Variants in DMRT1 observed in about 807,000 individuals in gnomAD.
DMRT1 encodes the protein doublesex and mab-3 related transcription factor 1.
A neutral mutation model predicts 32.3 loss-of-function variants in DMRT1; 7 were observed. That is an observed-to-expected ratio of 0.22 (90% CI 0.12 to 0.41). The LOEUF is 0.41. Ranked by LOEUF, DMRT1 falls within the 10% of genes least tolerant of loss-of-function variation. The pLI is 1.00. For synonymous variants in DMRT1, 278 were observed against 206.1 expected, an observed-to-expected ratio of 1.35 and a Z score of -2.99; for missense variants, 625 against 500.5, an observed-to-expected ratio of 1.25 and a Z score of -2.37.
At chr9:852,507 T>G (rs7020479) in intron 2 of DMRT1, among the ~76,000 whole-genome samples, 53 of 151,734 alleles carry the variant, frequency 3.5e-4, no homozygotes. Context: ...CTACTTTTTC[T>G]TCAGCCTCCC....
Position 965,724 on chromosome 9 carries a change from C to T in DMRT1, c.968-2261C>T, listed in dbSNP as rs1168534031. ...TTGGCAAAGGTCCGTTGCTTTGCCTCCTTAAACTCACACAGGGATTGGGAA... is the reference window on the plus strand; with the variant it reads ...TTGGCAAAGGTCCGTTGCTTTGCCTTCTTAAACTCACACAGGGATTGGGAA... On this transcript the variant is annotated intron_variant, in intron 4 of 4. Transcript: ENST00000382276. The surrounding 1 kb of genome is among the most constrained non-coding windows in gnomAD (Gnocchi z 4.5). 6.6e-6 allele frequency among the ~76,000 whole-genome samples: 1 copy of T among 152,134 alleles called. No homozygotes were observed. Among genetic ancestry groups the T allele is most frequent in the Non-Finnish European group, 1.5e-5 (1 of 68,022 alleles).
chr9:860,846 C>G (rs1388275813), intron 2 of DMRT1, among the ~76,000 whole-genome samples: 2 of 152,122 alleles, frequency 1.3e-5, no homozygotes, highest in Non-Finnish European at 2.9e-5. Flanking sequence ...GAAGGAGCAG[C>G]AAGGTGAGAC....
chr9:864,125 A>G (rs1387782670), intron 2 of DMRT1, among the ~76,000 whole-genome samples: 3 of 152,150 alleles, frequency 2.0e-5, no homozygotes, highest in Non-Finnish European at 4.4e-5. Flanking sequence ...TTGGTAGGCC[A>G]TTCTTCAGTC....
At chr9:852,136 C>A (rs1012716066) in intron 2 of DMRT1, among the ~76,000 whole-genome samples, 1 of 151,804 alleles carries the variant, frequency 6.6e-6, no homozygotes, top group South Asian at 2.1e-4. Context: ...GGGGTTTCAC[C>A]ATGTTGGCCA....
At chr9:849,786 G>A (rs932816641) in intron 2 of DMRT1, among the ~76,000 whole-genome samples, 1 of 100,116 alleles carries the variant, frequency 1.0e-5, no homozygotes, top group African/African-American at 3.4e-5. Flanking sequence ...GTATGGCTCC[G>A]GGAGCCTTTA....
intron 4 of DMRT1, among the ~76,000 whole-genome samples, chr9:959,902 T>G (rs1435265827): frequency 6.6e-6 from 1 of 152,242 alleles, no homozygotes; most frequent in Non-Finnish European, 1.5e-5. Context: ...GGTTGCAGTG[T>G]GTCTTGTGAA....
At chr9:894,795 T>A (rs796439714) in intron 3 of DMRT1, 1 of 159,132 alleles carries the variant, frequency 6.3e-6, no homozygotes, top group Non-Finnish European at 1.4e-5. Context: ...AAGTTTGTTT[T>A]TTTTTTTGTT....
chr9:928,879 C>T (rs1211280308), intron 4 of DMRT1, among the ~76,000 whole-genome samples: 8 of 148,920 alleles, frequency 5.4e-5, no homozygotes, highest in Middle Eastern at 6.9e-3. Context: ...TATTTTGTGC[C>T]CAGGCTGGAG....
intron 3 of DMRT1, among the ~76,000 whole-genome samples, chr9:906,128 C>G (rs1427088357): frequency 6.6e-6 from 1 of 152,192 alleles, no homozygotes; most frequent in South Asian, 2.1e-4. Flanking sequence ...TGTGTCATTT[C>G]AATTAGTTGG....
chr9:875,557 GA>G (rs1332739898), intron 2 of DMRT1, among the ~76,000 whole-genome samples: 16 of 152,202 alleles, frequency 1.1e-4, no homozygotes, highest in African/African-American at 3.4e-4. Flanking sequence ...TCTGTACAAT[GA>G]AGATCACCAA....
chr9:876,695 C>T (rs976168490), intron 2 of DMRT1, among the ~76,000 whole-genome samples: 4 of 152,074 alleles, frequency 2.6e-5, no homozygotes, highest in African/African-American at 9.7e-5. Context: ...CTATGCCCAG[C>T]TATTTTAAAA....
At chr9:914,010 G>T (rs1005447173) in intron 3 of DMRT1, among the ~76,000 whole-genome samples, 1 of 152,168 alleles carries the variant, frequency 6.6e-6, no homozygotes, top group Non-Finnish European at 1.5e-5. Context: ...CTCCAGCCCA[G>T]TCTTACCATC....
intron 4 of DMRT1, among the ~76,000 whole-genome samples, chr9:933,827 G>C (rs546577907): frequency 1.3e-5 from 2 of 152,262 alleles, no homozygotes; most frequent in Admixed American, 1.3e-4. Flanking sequence ...TGACAGGAAA[G>C]GACATTGCAG....
chr9:847,133 T>C lies in DMRT1; in HGVS notation c.528T>C (p.Thr176=), dbSNP rs1838942946. 6.2e-7 allele frequency: 1 copy of C among 1,612,854 alleles called. No homozygotes were observed. Among genetic ancestry groups the C allele is most frequent in the East Asian group, 2.2e-5 (1 of 44,872 alleles). The change falls in exon 2 of 5, where the codon ACT becomes ACC. Residue 176 remains threonine, a synonymous_variant. Transcript: ENST00000382276. ...SQPPPASVPT[T]AASEGRMVIQ... ...CACCGCCGGCCAGTGTCCCCACCAC[T>C]GCAGCTTCAGGTAATCTGGAGGGGC...
chr9:857,715 T>C (rs560717362), intron 2 of DMRT1, among the ~76,000 whole-genome samples: 1 of 151,580 alleles, frequency 6.6e-6, no homozygotes, highest in African/African-American at 2.4e-5. Context: ...CATGTTGGTG[T>C]GCTGCACCCA....
chr9:910,185 TG>T (rs1347688475), intron 3 of DMRT1, among the ~76,000 whole-genome samples: 1 of 152,216 alleles, frequency 6.6e-6, no homozygotes. Context: ...AAGATTTTTT[TG>T]TCTTGAAGCA....
chr9:914,297 A>T (rs183340278), intron 3 of DMRT1, among the ~76,000 whole-genome samples: 1 of 151,944 alleles, frequency 6.6e-6, no homozygotes, highest in South Asian at 2.1e-4. Flanking sequence ...TAATGTGGCC[A>T]GGCGCGGTGG....
chr9:954,788 C>T (rs553785559), intron 4 of DMRT1, among the ~76,000 whole-genome samples: 29 of 152,046 alleles, frequency 1.9e-4, no homozygotes, highest in South Asian at 1.2e-3. Flanking sequence ...ATTACAGGTG[C>T]GTGCCACCAC....
chr9:901,780 C>T (rs186320909), intron 3 of DMRT1, among the ~76,000 whole-genome samples: 12 of 151,956 alleles, frequency 7.9e-5, no homozygotes, highest in South Asian at 4.2e-4. Flanking sequence ...ACTTGCCTTA[C>T]GAACCTGCCC....
Sources: gnomAD v4.1 joint callset for allele counts (sites outside exome capture counted in the v4.1 genomes callset) on GRCh38, gnomAD v4.1.1 for gene constraint, Gnocchi (gnomAD v3.1) non-coding constraint, MANE v1.5 for transcripts, NCBI Gene and HGNC (gene_info 2026-07-23, HGNC 2026-07-21) for gene names.